Variants in PCDH15 observed in about 807,000 individuals in gnomAD.
The protein encoded by PCDH15 is protocadherin-15.
A neutral mutation model predicts 178.5 loss-of-function variants in PCDH15; 129 were observed. That is an observed-to-expected ratio of 0.72 (90% CI 0.63 to 0.84). The LOEUF is 0.84. Ranked by LOEUF, PCDH15 falls within the 40% of genes least tolerant of loss-of-function variation. The pLI is 0.00. For missense variants in PCDH15, 2,230 were observed against 2,099.9 expected (o/e 1.06, Z -1.21); for synonymous variants, 800 against 732.0 (o/e 1.09, Z -1.50).
rs191140160 is a variant in PCDH15 at position 55,538,495 on chromosome 10, T to C, written c.-156+89130A>G. Among the ~76,000 whole-genome samples, 26 of 134,532 alleles carry C rather than the reference T, an allele frequency of 1.9e-4. No homozygotes were observed. The East Asian group carries it at 6.5e-3, about 34-fold the overall frequency. 88.3% of individuals were successfully genotyped at this position (134,532 alleles called of 152,430 possible). ...CTCCCTTCCTCCCTTCCTTCCTCCT[T>C]TCCTTCCTTCCTTCTTTCCTTCCTT... On this transcript the variant is annotated intron_variant, in intron 2 of 5. Transcript: ENST00000613346.
At chr10:53,942,602 C>A (rs2086167935) in intron 23 of PCDH15, among the ~76,000 whole-genome samples, 1 of 152,140 alleles carries the variant, frequency 6.6e-6, no homozygotes, top group Non-Finnish European at 1.5e-5. Context: ...GTCCTCGTGG[C>A]AAGAAACTCA....
intron 2 of PCDH15, among the ~76,000 whole-genome samples, chr10:54,994,866 A>ATTTC: frequency 6.6e-6 from 1 of 152,136 alleles, no homozygotes; most frequent in Non-Finnish European, 1.5e-5. Context: ...ACATTTCTAC[A>ATTTC]GATTATATGT....
At position 54,066,884 on chromosome 10, in the gene PCDH15, G is replaced by A. The variant is rs200784596; in HGVS notation, c.2093C>T (p.Thr698Ile). 33 of 1,612,664 alleles carry A rather than the reference G, an allele frequency of 2.0e-5. No homozygotes were observed. The highest frequency in any genetic ancestry group is 2.7e-5 in the Non-Finnish European group (32 of 1,179,194). The change falls in exon 18 of 38, where the codon ACC becomes ATC. Residue 698 changes from threonine (T) to isoleucine (I), a missense_variant and splice_region_variant. By Grantham distance (89) the Thr-to-Ile change is moderately conservative. Coordinates refer to ENST00000644397, the MANE Select transcript of PCDH15 (RefSeq NM_001384140.1). ...ITASDGRPDG[T>I]STATVNIVVT... Reference sequence around the variant, plus strand: ...CACTATGTTTACTGTGGCAGTTGAGGTCTTAAAGAAAAACACAAGCATTAA... The same window carrying A: ...CACTATGTTTACTGTGGCAGTTGAGATCTTAAAGAAAAACACAAGCATTAA...
chr10:54,907,388 C>T (rs1954743229), intron 2 of PCDH15, among the ~76,000 whole-genome samples: 1 of 152,144 alleles, frequency 6.6e-6, no homozygotes. Flanking sequence ...CCTCTGGATA[C>T]ACTATAAATC....
At chr10:54,985,783 A>C (rs935489813) in intron 2 of PCDH15, among the ~76,000 whole-genome samples, 2 of 152,240 alleles carry the variant, frequency 1.3e-5, no homozygotes, top group Non-Finnish European at 2.9e-5. Context: ...GTTAAGTTGA[A>C]GCATTGTAAG....
intron 2 of PCDH15, among the ~76,000 whole-genome samples, chr10:55,568,704 T>G (rs745855978): frequency 6.6e-6 from 1 of 152,042 alleles, no homozygotes; most frequent in Non-Finnish European, 1.5e-5. Flanking sequence ...TTAATGCCAC[T>G]TATTGCTATT....
At chr10:54,833,605 T>A (rs1953264244) in intron 3 of PCDH15, among the ~76,000 whole-genome samples, 2 of 152,200 alleles carry the variant, frequency 1.3e-5, no homozygotes, top group Non-Finnish European at 2.9e-5. Flanking sequence ...CCCCTACTGA[T>A]ATTGGACTTG....
chr10:55,289,972 C>T (rs1322359742), intron 1 of PCDH15, among the ~76,000 whole-genome samples: 1 of 150,292 alleles, frequency 6.7e-6, no homozygotes, highest in East Asian at 1.9e-4. Flanking sequence ...AGTTCTTCTG[C>T]TCTTCTGTCA....
At chr10:55,437,984 G>A (rs551346973) in intron 2 of PCDH15, among the ~76,000 whole-genome samples, 31 of 151,814 alleles carry the variant, frequency 2.0e-4, no homozygotes, top group African/African-American at 5.1e-4. Context: ...TTACAGGCAT[G>A]TGCCACCACG....
At chr10:53,811,051 T>C (rs530110238) in intron 36 of PCDH15, among the ~76,000 whole-genome samples, 1 of 152,334 alleles carries the variant, frequency 6.6e-6, no homozygotes, top group Admixed American at 6.5e-5. Flanking sequence ...AAGAAGTTGC[T>C]TCAAACATGG....
At chr10:54,427,269 G>GTTT (rs71007854) in intron 3 of PCDH15, among the ~76,000 whole-genome samples, 647 of 56,752 alleles carry the variant, frequency 0.011, 133 homozygotes, top group African/African-American at 0.041. Flanking sequence ...TCTTTTTCTG[G>GTTT]TTTTTTTTTT....
At chr10:55,208,479 C>A (rs369492157) in intron 1 of PCDH15, among the ~76,000 whole-genome samples, 1 of 152,034 alleles carries the variant, frequency 6.6e-6, no homozygotes, top group East Asian at 1.9e-4. Context: ...ATTTCAATAA[C>A]CTTCTATGTC....
At chr10:54,615,671 A>G (rs1456012026) in intron 2 of PCDH15, among the ~76,000 whole-genome samples, 1 of 150,264 alleles carries the variant, frequency 6.7e-6, no homozygotes, top group East Asian at 2.0e-4. Context: ...AAAAACACAC[A>G]TAAACTAGGA....
intron 2 of PCDH15, among the ~76,000 whole-genome samples, chr10:55,519,195 C>T (rs1373240541): frequency 6.7e-6 from 1 of 148,482 alleles, no homozygotes; most frequent in Non-Finnish European, 1.5e-5. Flanking sequence ...TAAAATAAGC[C>T]TGTCCCTGTT....
At chr10:54,954,785 G>T (rs577040101) in intron 2 of PCDH15, among the ~76,000 whole-genome samples, 1 of 151,334 alleles carries the variant, frequency 6.6e-6, no homozygotes, top group Non-Finnish European at 1.5e-5. Flanking sequence ...ATTAAAGTTT[G>T]TTGGGACTAT....
chr10:54,837,191 A>G (rs1409867607), intron 3 of PCDH15, among the ~76,000 whole-genome samples: 2 of 152,134 alleles, frequency 1.3e-5, no homozygotes, highest in Non-Finnish European at 2.9e-5. Context: ...AATCAAAACT[A>G]AAAGTTAGTA....
chr10:53,971,282 C>G (rs1296457735), intron 21 of PCDH15, among the ~76,000 whole-genome samples: 2 of 152,058 alleles, frequency 1.3e-5, no homozygotes, highest in East Asian at 3.9e-4. Context: ...TTGATGTAAC[C>G]TATCTTAAAA....
At chr10:54,194,465 T>C (rs1053327542) in intron 11 of PCDH15, among the ~76,000 whole-genome samples, 2 of 152,116 alleles carry the variant, frequency 1.3e-5, no homozygotes, top group African/African-American at 4.8e-5. Flanking sequence ...CACAAAAAAA[T>C]CCATCTATCT....
chr10:55,459,216 C>T (rs867684797), intron 2 of PCDH15, among the ~76,000 whole-genome samples: 2 of 117,740 alleles, frequency 1.7e-5, no homozygotes, highest in African/African-American at 3.6e-5. Flanking sequence ...AATTAGCAGC[C>T]GAGTGTCCTT....
Sources: gnomAD v4.1 joint callset for allele counts (sites outside exome capture counted in the v4.1 genomes callset) on GRCh38, gnomAD v4.1.1 for gene constraint, MANE v1.5 for transcripts, NCBI Gene and HGNC (gene_info 2026-07-23, HGNC 2026-07-21) for gene names.